Variants in MEGF6 observed in about 807,000 individuals in gnomAD.
The protein encoded by MEGF6 is multiple epidermal growth factor-like domains protein 6.
MEGF6 carries 184 observed loss-of-function variants against 207.1 expected under a neutral mutation model. The observed-to-expected ratio is 0.89, with a 90% CI of 0.79 to 1.00. The LOEUF (loss-of-function observed/expected upper bound fraction) is 1.00, where lower values mean the gene tolerates loss of function less well. Among genes scored for constraint, MEGF6 ranks in the 50% least tolerant of loss-of-function variants. The probability of loss-of-function intolerance (pLI) is 0.00; values close to 1 mark genes in which losing one functional copy is unlikely to be tolerated. For missense variants in MEGF6, 2,282 were observed against 2,202.9 expected, an observed-to-expected ratio of 1.04 and a Z score of -0.72; for synonymous variants, 1,038 against 910.0, an observed-to-expected ratio of 1.14 and a Z score of -2.53.
chr1:3,567,488 C>T (rs1247635023), intron 4 of MEGF6, among the ~76,000 whole-genome samples: 10 of 152,180 alleles, frequency 6.6e-5, no homozygotes, highest in Admixed American at 5.9e-4. Flanking sequence ...ACGTGGGCTG[C>T]GTGTGGCGGG....
chr1:3,497,327 G>C lies in MEGF6; in HGVS notation c.3387C>G (p.Ala1129=). 1 of 1,551,938 alleles carries C rather than the reference G, an allele frequency of 6.4e-7. No homozygotes were observed. The highest frequency in any genetic ancestry group is 2.3e-5 in the East Asian group (1 of 43,944). Residue 1129 remains alanine (A), a synonymous_variant, in exon 27 of 37, where the codon GCC becomes GCG. Transcript: ENST00000356575. ...CGCCAGGCGGGCAGCTGCAGCGCTG[G>C]GCACAGGCCTCTCCAAACCAGCCCC... ...CLRGWFGEAC[A]QRCSCPPGAA...
intron 3 of MEGF6, among the ~76,000 whole-genome samples, chr1:3,593,355 C>T (rs867403868): frequency 1.3e-5 from 2 of 152,136 alleles, no homozygotes; most frequent in African/African-American, 2.4e-5. Context: ...GCTCGGGGCT[C>T]GGAGGGGACG....
At chr1:3,525,023 C>T (rs1047093069) in intron 4 of MEGF6, among the ~76,000 whole-genome samples, 3 of 152,136 alleles carry the variant, frequency 2.0e-5, no homozygotes, top group Admixed American at 6.5e-5. Flanking sequence ...CTCCAGATGG[C>T]GACAGAAGAA....
intron 4 of MEGF6, chr1:3,531,037 G>A (rs1642143828): frequency 5.5e-6 from 8 of 1,445,968 alleles, no homozygotes; most frequent in African/African-American, 1.5e-5. Flanking sequence ...GCCGGGGAGC[G>A]CCCTGGCCCC....
chr1:3,583,468 G>A (rs868674061), intron 3 of MEGF6, among the ~76,000 whole-genome samples: 8 of 32,552 alleles, frequency 2.5e-4, no homozygotes, highest in Non-Finnish European at 3.0e-4. Flanking sequence ...CAGACAACGC[G>A]CAGCCACCAG....
intron 12 of MEGF6, 111 bp from the exon 13 acceptor site, chr1:3,508,800 G>A: frequency 7.4e-7 from 1 of 1,344,694 alleles, no homozygotes; most frequent in Non-Finnish European, 1.0e-6. Flanking sequence ...GGCATCCTCG[G>A]CCCATGAGGG....
At position 3,488,732 on chromosome 1, in the gene MEGF6, T is replaced by C. The variant is rs4648505; in HGVS notation, c.*1796A>G. Among the ~76,000 whole-genome samples the C allele has an allele frequency of 0.3, 46,128 of 152,206 alleles. 10,802 individuals carry two copies. Among genetic ancestry groups the C allele is most frequent in the African/African-American group, 0.65 (27,012 of 41,484 alleles). ...TCTCACGTATAGTCTGAGGTCAATT[T>C]GATTCCCATTCTTTTTTCTCTGGGA... is the stretch of plus-strand genomic sequence containing the variant. On this transcript the variant is annotated 3_prime_UTR_variant, in exon 37 of 37. Transcript: ENST00000356575.
At chr1:3,496,833 G>A (rs1456982879) in intron 28 of MEGF6, 50 bp from the exon 29 acceptor site, 13 of 1,539,822 alleles carry the variant, frequency 8.4e-6, no homozygotes, top group Middle Eastern at 1.8e-4. Context: ...GGCTTCCCCA[G>A]TGCCCCTGAA....
chr1:3,497,513 C>T (rs1466793041), intron 26 of MEGF6, 152 bp from the exon 27 acceptor site: 38 of 1,072,714 alleles, frequency 3.5e-5, no homozygotes, highest in South Asian at 9.4e-5. Context: ...TGGAGCCCCC[C>T]GCCACCCCGG....
intron 10 of MEGF6, 66 bp from the exon 11 acceptor site, chr1:3,510,058 A>C (rs1300453056): frequency 2.0e-6 from 3 of 1,527,954 alleles, no homozygotes; most frequent in Admixed American, 2.1e-5. Context: ...GCCCCTGCCC[A>C]CCCAGTCCTA....
intron 4 of MEGF6, among the ~76,000 whole-genome samples, chr1:3,543,854 T>C (rs1642611022): frequency 6.6e-6 from 1 of 152,224 alleles, no homozygotes. Flanking sequence ...CTCTGCAGTG[T>C]CTGTCATGGA....
At position 3,492,713 on chromosome 1, in the gene MEGF6, C is replaced by A. The variant is rs768425719; in HGVS notation, c.4442G>T (p.Gly1481Val). 11 of 1,612,640 alleles carry A rather than the reference C, an allele frequency of 6.8e-6. No homozygotes were observed. The highest frequency in any genetic ancestry group is 1.3e-5 in the African/African-American group (1 of 75,032). The change falls in exon 35 of 37, where the codon GGT becomes GTT. Residue 1481 changes from glycine to valine, a missense_variant. Coordinates refer to ENST00000356575, the MANE Select transcript of MEGF6 (RefSeq NM_001409.4). Reference sequence around the variant, plus strand: ...ACTGACAGGGTCGCAGTCAGCCCCACCCCCGCAGTCACAGTGCAGGGTGCA... The same window carrying A: ...ACTGACAGGGTCGCAGTCAGCCCCAACCCCGCAGTCACAGTGCAGGGTGCA... Reference protein sequence around the residue: ...PSCTLHCDCGGGADCDPVSGQ... With the variant: ...PSCTLHCDCGVGADCDPVSGQ...
chr1:3,529,118 G>A (rs1439344797), intron 4 of MEGF6, among the ~76,000 whole-genome samples: 3 of 152,142 alleles, frequency 2.0e-5, no homozygotes, highest in African/African-American at 7.2e-5. Context: ...TTGCTCCCTG[G>A]GTTCCCTCCT....
chr1:3,611,292 C>T lies in MEGF6; in HGVS notation c.-24G>A, dbSNP rs751413519. The stretch of plus-strand genomic sequence containing the variant: ...ATCGTGCGCGCCGGTGCCTCCTCCG[C>T]TCTCCGGCTCACAGGCGGCCCCGGC... On this transcript the variant is annotated 5_prime_UTR_variant, in exon 1 of 37. Coordinates refer to ENST00000356575, the MANE Select transcript of MEGF6 (RefSeq NM_001409.4). 7.0e-6 allele frequency: 10 copies of T among 1,430,334 alleles called. No homozygotes were observed. The highest frequency in any genetic ancestry group is 5.5e-5 in the Admixed American group (2 of 36,170). 88.6% of individuals were successfully genotyped at this position (1,430,334 alleles called of 1,614,324 possible).
At chr1:3,548,142 G>A (rs543122601) in intron 4 of MEGF6, among the ~76,000 whole-genome samples, 1 of 152,316 alleles carries the variant, frequency 6.6e-6, no homozygotes. Context: ...TGCTGAGGAC[G>A]CAGATGGCCA....
At chr1:3,620,797 C>A in the MEGF6 span, among the ~76,000 whole-genome samples, 4 of 152,200 alleles carry the variant, frequency 2.6e-5, no homozygotes, top group African/African-American at 9.7e-5. Flanking sequence ...AGACCGGTAG[C>A]AGCCCCGAAT....
intron 4 of MEGF6, among the ~76,000 whole-genome samples, chr1:3,568,491 G>A (rs1374445226): frequency 6.6e-6 from 1 of 151,854 alleles, no homozygotes; most frequent in African/African-American, 2.4e-5. Context: ...AGGCTCCTTA[G>A]GAGTCCCAGC....
intron 35 of MEGF6, among the ~76,000 whole-genome samples, chr1:3,491,168 A>G (rs1640346913): frequency 6.6e-6 from 1 of 151,630 alleles, no homozygotes; most frequent in African/African-American, 2.4e-5. Context: ...GAAAGCTCTC[A>G]GCCCCTCCAA....
intron 4 of MEGF6, among the ~76,000 whole-genome samples, chr1:3,528,725 G>A (rs1030745551): frequency 1.3e-5 from 2 of 152,094 alleles, no homozygotes; most frequent in African/African-American, 4.8e-5. Context: ...GAGGATGGAG[G>A]AGGGGCCACA....
Sources: gnomAD v4.1 joint callset for allele counts (sites outside exome capture counted in the v4.1 genomes callset) on GRCh38, gnomAD v4.1.1 for gene constraint, MANE v1.5 for transcripts, NCBI Gene and HGNC (gene_info 2026-07-23, HGNC 2026-07-21) for gene names.